The following ADAM28 variants were observed in gnomAD, a reference collection of about 807,000 sequenced individuals.
The protein encoded by ADAM28 is disintegrin and metalloproteinase domain-containing protein 28.
ADAM28 carries 105 observed loss-of-function variants against 101.2 expected under a neutral mutation model. The observed-to-expected ratio is 1.04, with a 90% confidence interval of 0.89 to 1.22. The LOEUF is 1.22. Among genes scored for constraint, ADAM28 ranks in the 50% most tolerant of loss-of-function variants. The pLI is 0.00. For missense variants in ADAM28, 1,028 were observed against 945.4 expected (o/e 1.09, Z -1.15); for synonymous variants, 322 against 310.6 (o/e 1.04, Z -0.39).
intron 10 of ADAM28, among the ~76,000 whole-genome samples, chr8:24,328,689 AGGCC>A (rs1359669228): frequency 3.9e-5 from 6 of 152,068 alleles, no homozygotes; most frequent in African/African-American, 7.2e-5. Flanking sequence ...GCACTTTCGA[AGGCC>A]AAGGCAGGTG....
chr8:24,345,560 C>T (rs1815306904), intron 18 of ADAM28, among the ~76,000 whole-genome samples: 2 of 151,930 alleles, frequency 1.3e-5, no homozygotes, highest in African/African-American at 2.4e-5. Context: ...TCCTGTTTCA[C>T]ATCTGTCTAG....
At chr8:24,308,967 A>C (rs62502721) in intron 2 of ADAM28, among the ~76,000 whole-genome samples, 26,247 of 152,102 alleles carry the variant, frequency 0.17, 2,364 homozygotes, top group East Asian at 0.33. Context: ...GTTTCTCAAC[A>C]ACCTTTGGTC....
intron 14 of ADAM28, among the ~76,000 whole-genome samples, chr8:24,338,582 A>C (rs200328374): frequency 9.7e-6 from 1 of 103,518 alleles, no homozygotes; most frequent in Non-Finnish European, 2.1e-5. Context: ...CAAATAATAA[A>C]AAGTAACAAA....
At position 24,355,903 on chromosome 8, in the gene ADAM28, C is replaced by T. The variant is rs1300156861; in HGVS notation, c.*1499C>T. The T allele has an allele frequency of 6.6e-6, 1 of 152,126 alleles. No homozygotes were observed. Among genetic ancestry groups the T allele is most frequent in the African/African-American group, 2.4e-5 (1 of 41,436 alleles). 9.4% of individuals were successfully genotyped at this position (152,126 alleles called of 1,614,324 possible). A position where few individuals can be genotyped will look rare whatever the true frequency, so the allele number is the denominator to read the frequency against. ...AATCAGGGAACATGCTTTAGTTCAT[C>T]ATCACAGCTACAGTTTTTCTTGTAT... On this transcript the variant is annotated 3_prime_UTR_variant, in exon 23 of 23. Transcript: ENST00000265769.
rs374921590 is a variant in ADAM28, at chr8:24,330,058, A to C, written c.1046A>C (p.His349Pro). 1.2e-6 allele frequency: 2 copies of C among 1,613,780 alleles called. No homozygotes were observed. Among genetic ancestry groups the C allele is most frequent in the Non-Finnish European group, 8.5e-7 (1 of 1,179,804 alleles). The change falls in exon 11 of 23, where the codon CAT becomes CCT. Residue 349 changes from histidine (H) to proline (P), a missense_variant. Coordinates refer to ENST00000265769, the MANE Select transcript of ADAM28 (RefSeq NM_014265.6). ...ATGGGCCACAACTTTGGAATGTTTC[A>C]TGACGACTATTCTTGCAAGTGTCCT... Reference protein sequence around the residue: ...HEMGHNFGMFHDDYSCKCPST... With the variant: ...HEMGHNFGMFPDDYSCKCPST...
At chr8:24,303,035 C>T (rs1222963457) in intron 2 of ADAM28, among the ~76,000 whole-genome samples, 1 of 150,786 alleles carries the variant, frequency 6.6e-6, no homozygotes, top group Non-Finnish European at 1.5e-5. Flanking sequence ...GTAGATTCTG[C>T]ATATTTGACC....
intron 1 of ADAM28, chr8:24,296,031 G>GA (rs1176207547): frequency 2.6e-5 from 4 of 152,044 alleles, no homozygotes; most frequent in East Asian, 3.9e-4. Context: ...ACAATCCCGA[G>GA]AAAAAATTGA....
intron 6 of ADAM28, among the ~76,000 whole-genome samples, chr8:24,314,889 C>A (rs1389014566): frequency 2.1e-5 from 3 of 145,472 alleles, no homozygotes; most frequent in African/African-American, 2.5e-5. Context: ...TCCATTACAA[C>A]TATAAGATGT....
At position 24,353,768 on chromosome 8, in the gene ADAM28, A is replaced by T. The variant is rs759817812; in HGVS notation, c.2245-2A>T. The T allele has an allele frequency of 6.7e-7, 1 of 1,483,528 alleles. No individual in the cohort carries two copies. The allele number at this position is 1,483,528 out of a possible 1,614,324, so 91.9% of individuals were successfully genotyped here. On this transcript the variant is annotated splice_acceptor_variant, in intron 21 of 22. Coordinates refer to ENST00000265769, the MANE Select transcript of ADAM28 (RefSeq NM_014265.6). LOFTEE classifies it high-confidence loss of function. ...ATACCATTGTTTTTATAATTAACGTAGCATAAAGACACAAACGCACTTCCC... is the reference window on the plus strand; with the variant it reads ...ATACCATTGTTTTTATAATTAACGTTGCATAAAGACACAAACGCACTTCCC...
At chr8:24,336,455 C>T (rs1305829931) in intron 14 of ADAM28, among the ~76,000 whole-genome samples, 5 of 151,280 alleles carry the variant, frequency 3.3e-5, no homozygotes, top group South Asian at 4.2e-4. Flanking sequence ...TGCTAGTGGG[C>T]GCCTGTCCCA....
At chr8:24,299,134 A>G (rs1808371607) in intron 1 of ADAM28, among the ~76,000 whole-genome samples, 1 of 152,164 alleles carries the variant, frequency 6.6e-6, no homozygotes, top group African/African-American at 2.4e-5. Flanking sequence ...TTGAGGCTGC[A>G]GTGAACCCTG....
chr8:24,349,407 A>G (rs573460384), intron 18 of ADAM28, among the ~76,000 whole-genome samples: 33 of 152,232 alleles, frequency 2.2e-4, no homozygotes, highest in Admixed American at 2.6e-4. Flanking sequence ...TCAGTGGAAC[A>G]CTCGATTATT....
intron 1 of ADAM28, among the ~76,000 whole-genome samples, chr8:24,298,524 G>C (rs1167169114): frequency 6.6e-6 from 1 of 152,048 alleles, no homozygotes; most frequent in African/African-American, 2.4e-5. Flanking sequence ...AGTCCTCCTA[G>C]ATAAGCAAGG....
At position 24,356,066 on chromosome 8, in the gene ADAM28, A is replaced by C; in HGVS notation, c.*1662A>C. 6.6e-6 allele frequency: 1 copy of C among 152,186 alleles called. No homozygotes were observed. Among genetic ancestry groups the C allele is most frequent in the East Asian group, 1.9e-4 (1 of 5,192 alleles). The allele number at this position is 152,186 out of a possible 1,614,324, so 9.4% of individuals were successfully genotyped here. A position where few individuals can be genotyped will look rare whatever the true frequency, so the allele number is the denominator to read the frequency against. ...CACTCTGGCCTCAAAAGTGAAGCTC[A>C]GTCCTCAGGAAATCCAGAGTCCACT... On this transcript the variant is annotated 3_prime_UTR_variant, in exon 23 of 23. Coordinates refer to ENST00000265769, the MANE Select transcript of ADAM28 (RefSeq NM_014265.6).
intron 1 of ADAM28, 118 bp from the exon 2 acceptor site, chr8:24,299,856 C>T: frequency 1.5e-6 from 1 of 687,212 alleles, no homozygotes; most frequent in Non-Finnish European, 2.5e-6. Context: ...CTCTGACATT[C>T]ATCACTTCAG....
Position 24,342,258 on chromosome 8 carries a change from C to G in ADAM28, c.1830+501C>G, listed in dbSNP as rs540722496. Among the ~76,000 whole-genome samples, 16 of 152,210 alleles carry G rather than the reference C, an allele frequency of 1.1e-4. No individual in the cohort carries two copies. The South Asian group carries it at 3.3e-3, about 32-fold the overall frequency. Reference sequence around the variant, plus strand: ...TCTCTCTTAAGAGATTAGAATTACCCTCTTTATATATTCACTAAGATATCC... The same window carrying G: ...TCTCTCTTAAGAGATTAGAATTACCGTCTTTATATATTCACTAAGATATCC... On this transcript the variant is annotated intron_variant, in intron 16 of 22. Transcript: ENST00000265769.
rs563553204 is a variant in ADAM28 at position 24,314,385 on chromosome 8, T to C, written c.576+805T>C. ...GAATATTATTTTATGTGTGGAATTC[T>C]GCTTCTAGTCATAGGAGATAAATGA... is the stretch of plus-strand genomic sequence containing the variant. On this transcript the variant is annotated intron_variant, in intron 6 of 22. Transcript: ENST00000265769. Among the ~76,000 whole-genome samples, 4 of 152,274 alleles carry C rather than the reference T, an allele frequency of 2.6e-5. No homozygotes were observed. The East Asian group carries it at 7.7e-4, about 29-fold the overall frequency.
Position 24,351,238 on chromosome 8 carries a change from A to G in ADAM28, c.2106A>G (p.Leu702=), listed in dbSNP as rs1286364685. 9.4e-6 allele frequency: 15 copies of G among 1,600,216 alleles called. No individual in the cohort carries two copies. The highest frequency in any genetic ancestry group is 1.3e-5 in the Non-Finnish European group (15 of 1,174,016). The change falls in exon 20 of 23, where the codon CTA becomes CTG. Residue 702 remains leucine, a synonymous_variant. Coordinates refer to ENST00000265769, the MANE Select transcript of ADAM28 (RefSeq NM_014265.6). ...ATGTGTTTCTCTCTTACAGGCCACT[A>G]TCTACCACTGGCACCAGGCCACACA... ...REKQKKDQRP[L]STTGTRPHKQ...
chr8:24,343,033 C>T (rs1451696539), intron 16 of ADAM28, 68 bp from the exon 17 acceptor site: 6 of 1,607,150 alleles, frequency 3.7e-6, no homozygotes, highest in Non-Finnish European at 5.1e-6. Flanking sequence ...AGCCTCTTCA[C>T]ACAGACCTCA....
Sources: gnomAD v4.1 joint callset for allele counts (sites outside exome capture counted in the v4.1 genomes callset) on GRCh38, gnomAD v4.1.1 for gene constraint, MANE v1.5 for transcripts, NCBI Gene and HGNC (gene_info 2026-07-23, HGNC 2026-07-21) for gene names.